BTBD9: variants seen among roughly 807,000 people sequenced by gnomAD.
BTBD9 encodes BTB/POZ domain-containing protein 9.
BTBD9 carries 49 observed loss-of-function variants against 64.3 expected under a neutral mutation model. The ratio of observed to expected loss-of-function variants is 0.76; its 90% confidence interval spans 0.61 to 0.97. The LOEUF (loss-of-function observed/expected upper bound fraction) is 0.97, where lower values mean the gene tolerates loss of function less well. BTBD9 is among the 50% of genes least tolerant of loss of function. The pLI is 0.00. For missense variants in BTBD9, 598 were observed against 762.1 expected (o/e 0.78, Z 2.53); for synonymous variants, 260 against 274.7 (o/e 0.95, Z 0.53).
At chr6:38,374,543 G>A (rs188057061) in intron 6 of BTBD9, among the ~76,000 whole-genome samples, 50 of 151,396 alleles carry the variant, frequency 3.3e-4, no homozygotes, top group Admixed American at 2.7e-3. Flanking sequence ...GTGAGCCACT[G>A]CCCCCAGTTG....
intron 6 of BTBD9, among the ~76,000 whole-genome samples, chr6:38,533,791 G>A (rs149308875): frequency 4.6e-5 from 7 of 152,194 alleles, no homozygotes; most frequent in African/African-American, 1.2e-4. Context: ...AATGACCAGT[G>A]AGTCAATGAA....
chr6:38,275,574 G>A (rs1350289195), intron 8 of BTBD9, among the ~76,000 whole-genome samples: 1 of 150,026 alleles, frequency 6.7e-6, no homozygotes, highest in Non-Finnish European at 1.5e-5. Context: ...CTACAAAATG[G>A]GAGAAAATTT....
chr6:38,620,914 A>C (rs1582729624), intron 1 of BTBD9, among the ~76,000 whole-genome samples: 1 of 152,160 alleles, frequency 6.6e-6, no homozygotes, highest in African/African-American at 2.4e-5. Flanking sequence ...CAGCCTTCAA[A>C]ACCTTAAAGC....
intron 6 of BTBD9, among the ~76,000 whole-genome samples, chr6:38,572,764 T>TA (rs563981566): frequency 9.5e-4 from 135 of 142,784 alleles, no homozygotes; most frequent in African/African-American, 2.0e-3. Flanking sequence ...ATATAAGGCT[T>TA]AAAAAAAAAA....
At chr6:38,380,641 G>A (rs1209824708) in intron 6 of BTBD9, among the ~76,000 whole-genome samples, 1 of 152,196 alleles carries the variant, frequency 6.6e-6, no homozygotes, top group Non-Finnish European at 1.5e-5. Flanking sequence ...ATCAATCTGG[G>A]AAACACAGCA....
intron 6 of BTBD9, among the ~76,000 whole-genome samples, chr6:38,555,947 G>A (rs570077967): frequency 1.4e-4 from 22 of 152,258 alleles, no homozygotes; most frequent in Non-Finnish European, 2.8e-4. Context: ...TAATGGGATG[G>A]GCAGGAATAG....
At chr6:38,564,654 C>T (rs1379033258) in intron 6 of BTBD9, among the ~76,000 whole-genome samples, 3 of 152,100 alleles carry the variant, frequency 2.0e-5, no homozygotes, top group South Asian at 4.2e-4. Context: ...TTTGGGAGGC[C>T]AAGGTGGGCG....
chr6:38,503,558 TC>T (rs146703386), intron 6 of BTBD9, among the ~76,000 whole-genome samples: 4 of 152,090 alleles, frequency 2.6e-5, no homozygotes, highest in East Asian at 1.9e-4. Context: ...CTGTCCTTGT[TC>T]CCCCCTACTA....
chr6:38,449,532 T>TAA (rs35241869), intron 6 of BTBD9, among the ~76,000 whole-genome samples: 36 of 149,844 alleles, frequency 2.4e-4, no homozygotes, highest in Non-Finnish European at 4.4e-4. Context: ...GGCAGTCTCT[T>TAA]AAAAAAAAAA....
At position 38,172,838 on chromosome 6, in the gene BTBD9, CTT is replaced by C. The variant is rs1471968540; in HGVS notation, c.*2145_*2146del. 3 of 152,356 alleles carry C rather than the reference CTT, an allele frequency of 2.0e-5. No individual in the cohort carries two copies. The allele number at this position is 152,356 out of a possible 1,614,324, so 9.4% of individuals were successfully genotyped here. A position where few individuals can be genotyped will look rare whatever the true frequency, so the allele number is the denominator to read the frequency against. ...AGGGCCGAGGCTTTGCAGCGTATTC[CTT>C]TTCAGATGCGAGGCCGAGCTGCCAA... On this transcript the variant is annotated 3_prime_UTR_variant, in exon 11 of 11. Transcript: ENST00000481247.
chr6:38,202,092 T>G (rs888393461), intron 9 of BTBD9, among the ~76,000 whole-genome samples: 22 of 148,888 alleles, frequency 1.5e-4, no homozygotes, highest in East Asian at 9.9e-4. Flanking sequence ...TTTGTTTTTT[T>G]TTTTTTTTTT....
chr6:38,355,375 T>C (rs950151988), intron 6 of BTBD9, among the ~76,000 whole-genome samples: 8 of 152,128 alleles, frequency 5.3e-5, no homozygotes, highest in Non-Finnish European at 1.2e-4. Context: ...ATATTTCTGG[T>C]GGATTAGCAA....
chr6:38,491,313 G>GCC (rs1475703881), intron 6 of BTBD9, among the ~76,000 whole-genome samples: 1 of 152,198 alleles, frequency 6.6e-6, no homozygotes, highest in African/African-American at 2.4e-5. Flanking sequence ...CAAGGTGTTA[G>GCC]TTACATAATA....
chr6:38,513,011 T>C (rs908933548), intron 6 of BTBD9, among the ~76,000 whole-genome samples: 2 of 152,174 alleles, frequency 1.3e-5, no homozygotes, highest in African/African-American at 4.8e-5. Context: ...GGTTGGACCA[T>C]ACACTCCTAG....
At chr6:38,550,718 C>T (rs1007770816) in intron 6 of BTBD9, among the ~76,000 whole-genome samples, 2 of 152,116 alleles carry the variant, frequency 1.3e-5, no homozygotes, top group African/African-American at 2.4e-5. Context: ...ACTGCTTCTA[C>T]CCTCATCCAA....
chr6:38,199,046 G>A (rs1762367786), intron 9 of BTBD9, among the ~76,000 whole-genome samples: 1 of 152,118 alleles, frequency 6.6e-6, no homozygotes, highest in Non-Finnish European at 1.5e-5. Context: ...AAAAGGAGCA[G>A]GTGCACTCCT....
intron 9 of BTBD9, among the ~76,000 whole-genome samples, chr6:38,240,253 G>T (rs1006173652): frequency 2.6e-5 from 4 of 152,172 alleles, no homozygotes. Flanking sequence ...AGAAGATTTG[G>T]TCTAACTCCA....
chr6:38,257,178 T>G (rs754006384), intron 8 of BTBD9, among the ~76,000 whole-genome samples: 4 of 150,526 alleles, frequency 2.7e-5, no homozygotes, highest in Non-Finnish European at 5.9e-5. Context: ...GTTGAGATTA[T>G]AGGTGCGAGC....
intron 6 of BTBD9, among the ~76,000 whole-genome samples, chr6:38,384,054 ACCTTAAG>A (rs937784885): frequency 3.3e-5 from 5 of 151,916 alleles, no homozygotes; most frequent in African/African-American, 1.2e-4. Flanking sequence ...CGGTGGGAAA[ACCTTAAG>A]CCTCACTTTA....
Sources: gnomAD v4.1 joint callset for allele counts (sites outside exome capture counted in the v4.1 genomes callset) on GRCh38, gnomAD v4.1.1 for gene constraint, MANE v1.5 for transcripts, NCBI Gene and HGNC (gene_info 2026-07-23, HGNC 2026-07-21) for gene names.